The following ACYP2 variants were observed in gnomAD, a reference collection of about 807,000 sequenced individuals.
ACYP2 encodes acylphosphatase-2.
In ACYP2, 12 loss-of-function variants were observed where a neutral mutation model predicts 11.2. The observed-to-expected ratio is 1.08, with a 90% CI of 0.69 to 1.74. The LOEUF is 1.74. Ranked by LOEUF, ACYP2 falls within the 40% of genes most tolerant of loss-of-function variation. The pLI is 0.00. For missense variants in ACYP2, 134 were observed against 101.9 expected, an observed-to-expected ratio of 1.31 and a Z score of -1.35; for synonymous variants, 43 against 32.2, an observed-to-expected ratio of 1.33 and a Z score of -1.13.
intron 6 of ACYP2, among the ~76,000 whole-genome samples, chr2:54,239,283 G>T (rs1168808743): frequency 1.3e-5 from 2 of 152,134 alleles, no homozygotes; most frequent in African/African-American, 4.8e-5. Context: ...AAGGGATCCT[G>T]CCTGAAAGGA....
At chr2:54,016,968 A>G (rs891577897) in intron 2 of ACYP2, among the ~76,000 whole-genome samples, 27 of 151,640 alleles carry the variant, frequency 1.8e-4, no homozygotes, top group African/African-American at 6.5e-4. Context: ...CTCATGATCC[A>G]CCCATCTCGG....
At chr2:54,152,888 C>G (rs2103813203) in intron 6 of ACYP2, among the ~76,000 whole-genome samples, 1 of 152,160 alleles carries the variant, frequency 6.6e-6, no homozygotes, top group African/African-American at 2.4e-5. Context: ...GGTCTCAAAA[C>G]CTGGCCTTAA....
At chr2:54,233,164 A>T (rs997087052) in intron 6 of ACYP2, among the ~76,000 whole-genome samples, 4 of 152,050 alleles carry the variant, frequency 2.6e-5, no homozygotes, top group African/African-American at 7.2e-5. Flanking sequence ...ACTCATTTTT[A>T]AAAACAACTT....
At chr2:54,166,856 C>G (rs17189659) in intron 6 of ACYP2, 1 of 152,162 alleles carries the variant, frequency 6.6e-6, no homozygotes. Flanking sequence ...ACAAGGCTAA[C>G]AGATGCAGCT....
intron 6 of ACYP2, among the ~76,000 whole-genome samples, chr2:54,234,223 A>C (rs1686372904): frequency 6.6e-6 from 1 of 152,180 alleles, no homozygotes; most frequent in Non-Finnish European, 1.5e-5. Context: ...GGCTTTCTCA[A>C]AACACTCTCA....
chr2:54,096,860 G>A (rs1021127583), intron 4 of ACYP2, among the ~76,000 whole-genome samples: 10 of 141,150 alleles, frequency 7.1e-5, no homozygotes, highest in Admixed American at 6.6e-4. Context: ...GAGAGGGAGA[G>A]GGGGAGGGGG....
chr2:53,987,358 T>TAA (rs758401897), intron 2 of ACYP2, among the ~76,000 whole-genome samples: 1 of 137,462 alleles, frequency 7.3e-6, no homozygotes, highest in African/African-American at 2.7e-5. Flanking sequence ...TATACAAAGT[T>TAA]AAAAAAAAAA....
At chr2:54,217,431 A>T (rs908044459) in intron 6 of ACYP2, among the ~76,000 whole-genome samples, 1 of 152,162 alleles carries the variant, frequency 6.6e-6, no homozygotes, top group African/African-American at 2.4e-5. Context: ...CAGTGGTGCA[A>T]TCACAGCTCA....
intron 6 of ACYP2, chr2:54,255,509 C>T (rs753158338): frequency 3.7e-6 from 6 of 1,613,812 alleles, no homozygotes; most frequent in East Asian, 4.5e-5. Flanking sequence ...TCTGCATTCA[C>T]GGAGTCCAGT....
intron 6 of ACYP2, among the ~76,000 whole-genome samples, chr2:54,256,885 C>A (rs920560530): frequency 6.6e-6 from 1 of 152,120 alleles, no homozygotes; most frequent in Non-Finnish European, 1.5e-5. Context: ...CCAGGCTGGT[C>A]TGAACTCCTG....
chr2:54,021,230 G>C (rs561617167), intron 2 of ACYP2, among the ~76,000 whole-genome samples: 6 of 152,302 alleles, frequency 3.9e-5, no homozygotes, highest in African/African-American at 1.4e-4. Flanking sequence ...GGATGATTCA[G>C]GTCAGAGCAG....
chr2:54,153,150 A>G (rs1682260193), intron 6 of ACYP2, among the ~76,000 whole-genome samples: 1 of 152,022 alleles, frequency 6.6e-6, no homozygotes, highest in African/African-American at 2.4e-5. Context: ...TGTTTTGTAT[A>G]TGGTGTGACA....
At chr2:53,974,692 T>C (rs952715855) in intron 2 of ACYP2, among the ~76,000 whole-genome samples, 3 of 152,346 alleles carry the variant, frequency 2.0e-5, no homozygotes, top group Non-Finnish European at 2.9e-5. Flanking sequence ...ACTAGTATAA[T>C]AGAATGACAA....
rs77107079 is a variant in ACYP2, at chr2:54,107,773, C to T, written c.278-27680C>T. ...ATCAAAACCTTTGGGCATAAACTCC[C>T]CTGGAAATTCAAATGTTGAGATCAG... On this transcript the variant is annotated intron_variant, in intron 4 of 6. Coordinates refer to ENST00000607452, the MANE Select transcript of ACYP2 (RefSeq NM_001320586.2). Among the ~76,000 whole-genome samples, 94 of 152,250 alleles carry T rather than the reference C, an allele frequency of 6.2e-4. 1 individual carries two copies. In the East Asian group the frequency reaches 0.015, roughly 25 times the overall value.
chr2:54,131,989 T>C (rs1378793284), intron 4 of ACYP2, among the ~76,000 whole-genome samples: 1 of 152,208 alleles, frequency 6.6e-6, no homozygotes, highest in Non-Finnish European at 1.5e-5. Flanking sequence ...GGACTACGTG[T>C]TTCTAATTTC....
intron 4 of ACYP2, among the ~76,000 whole-genome samples, chr2:54,134,583 C>G (rs879797291): frequency 3.9e-5 from 6 of 152,282 alleles, no homozygotes; most frequent in Admixed American, 2.0e-4. Flanking sequence ...TGTGCTTCAG[C>G]ATTTTATTTA....
In ACYP2 at chr2:53,979,094, G is replaced by A. The variant is rs149054432; in HGVS notation, c.62+5284G>A. ...AAAGGTAACTGTAAAACAGCCTCAG[G>A]CAGGTCCTTCAGTAGGGATTCGAGA... On this transcript the variant is annotated intron_variant, in intron 2 of 6. Coordinates refer to ENST00000607452, the MANE Select transcript of ACYP2 (RefSeq NM_001320586.2). 9.8e-4 allele frequency among the ~76,000 whole-genome samples: 149 copies of A among 151,954 alleles called. 1 individual carries two copies. The highest frequency in any genetic ancestry group is 3.5e-3 in the African/African-American group (145 of 41,460).
chr2:54,230,976 G>A (rs1047520233), intron 6 of ACYP2, among the ~76,000 whole-genome samples: 73 of 151,276 alleles, frequency 4.8e-4, no homozygotes, highest in African/African-American at 1.7e-3. Flanking sequence ...GATTACAGGC[G>A]CCTGCCACCA....
intron 2 of ACYP2, among the ~76,000 whole-genome samples, chr2:53,991,391 G>A (rs933732238): frequency 4.0e-5 from 6 of 151,212 alleles, no homozygotes; most frequent in Non-Finnish European, 8.8e-5. Context: ...AATGGCTGGT[G>A]TATGTGTAAC....
Sources: allele counts gnomAD v4.1 joint callset (sites outside exome capture counted in the v4.1 genomes callset), GRCh38; gene constraint gnomAD v4.1.1; transcripts MANE v1.5; gene names NCBI Gene and HGNC (gene_info 2026-07-23, HGNC 2026-07-21).